Variants in ALDH18A1 observed in about 807,000 individuals in gnomAD.
ALDH18A1 encodes delta-1-pyrroline-5-carboxylate synthase.
A neutral mutation model predicts 88.8 loss-of-function variants in ALDH18A1; 44 were observed. The ratio of observed to expected loss-of-function variants is 0.50; its 90% CI spans 0.39 to 0.64. The LOEUF (loss-of-function observed/expected upper bound fraction) is 0.64. ALDH18A1 is among the 30% of genes least tolerant of loss of function. ALDH18A1 has a pLI of 0.00. For missense variants in ALDH18A1, 782 were observed against 1,009.5 expected (o/e 0.77, Z 3.05); for synonymous variants, 331 against 372.1 (o/e 0.89, Z 1.27).
chr10:95,606,394 T>A lies in ALDH18A1; in HGVS notation c.*368A>T. ...TGTGAAAAGATTTGTTAAGGATGAC[T>A]GGCTCTAGTACCAACTAAATGCCAA... On this transcript the variant is annotated 3_prime_UTR_variant, in exon 18 of 18. Transcript: ENST00000371224. 1 of 1,052,926 alleles carries A rather than the reference T, an allele frequency of 9.5e-7. No individual in the cohort carries two copies. The highest frequency in any genetic ancestry group is 1.1e-6 in the Non-Finnish European group (1 of 871,854). 65.2% of individuals were successfully genotyped at this position (1,052,926 alleles called of 1,614,324 possible).
At chr10:95,651,679 G>C (rs1234045582) in intron 2 of ALDH18A1, among the ~76,000 whole-genome samples, 2 of 152,076 alleles carry the variant, frequency 1.3e-5, no homozygotes, top group African/African-American at 4.8e-5. Context: ...ACCAGATCTT[G>C]TGAGAAGTCA....
At position 95,616,517 on chromosome 10, in the gene ALDH18A1, T is replaced by A. The variant is rs1180093705; in HGVS notation, c.1565A>T (p.Glu522Val). The A allele has an allele frequency of 6.3e-7, 1 of 1,577,570 alleles. No individual in the cohort carries two copies. Among genetic ancestry groups the A allele is most frequent in the African/African-American group, 1.3e-5 (1 of 74,592 alleles). Residue 522 changes from glutamate to valine, a missense_variant, in exon 13 of 18, where the codon GAG (glutamate) becomes GTG (valine). Transcript: ENST00000371224. ...CTTGACTCCATGGATTGAGAGAGCC[T>A]CCTGGGTCAGGAGGTGGAGAATCCG... ...SNRILHLLTQ[E>V]ALSIHGVKEA...
chr10:95,627,256 A>G (rs1675812169), intron 9 of ALDH18A1, among the ~76,000 whole-genome samples, 186 bp downstream of exon 9: 1 of 150,112 alleles, frequency 6.7e-6, no homozygotes, highest in African/African-American at 2.5e-5. Context: ...GATTTTGCAG[A>G]GAATAGGTCT....
At position 95,610,169 on chromosome 10, in the gene ALDH18A1, C is replaced by T. The variant is rs770851681; in HGVS notation, c.2206+28G>A. On this transcript the variant is annotated intron_variant, in intron 17 of 17. Coordinates refer to ENST00000371224, the MANE Select transcript of ALDH18A1 (RefSeq NM_002860.4). ...CCACACAGTGCTTCACAAGGAACTT[C>T]TTTCTTCCCAACCAGAGTCTTTCTT... 9 of 1,610,428 alleles carry T rather than the reference C, an allele frequency of 5.6e-6. No individual in the cohort carries two copies. The African/African-American group carries it at 1.1e-4, about 19-fold the overall frequency.
intron 2 of ALDH18A1, among the ~76,000 whole-genome samples, chr10:95,652,666 C>G (rs1293262259): frequency 6.6e-6 from 1 of 151,412 alleles, no homozygotes; most frequent in Admixed American, 6.6e-5. Flanking sequence ...ACCTGGGAAG[C>G]AGAGGTTGCA....
chr10:95,649,147 C>A lies in ALDH18A1; in HGVS notation c.88+4143G>T, dbSNP rs143677946. ...ACAAACAGCCTTTCAACAAATGATG[C>A]TGGAACAACTAGTATTAAAAGTTGA... On this transcript the variant is annotated intron_variant, in intron 2 of 17. Transcript: ENST00000371224. Among the ~76,000 whole-genome samples, 130 of 152,250 alleles carry A rather than the reference C, an allele frequency of 8.5e-4. No individual in the cohort carries two copies. In the East Asian group the frequency reaches 0.024, roughly 28 times the overall value.
At chr10:95,609,413 C>T (rs1024595780) in intron 17 of ALDH18A1, among the ~76,000 whole-genome samples, 1 of 152,200 alleles carries the variant, frequency 6.6e-6, no homozygotes, top group Non-Finnish European at 1.5e-5. Flanking sequence ...TTTCCTATCT[C>T]CGAGGCAACC....
rs35613419 is a variant in ALDH18A1, at chr10:95,629,934, AT to A, written c.809-1443del. 5.9e-4 allele frequency among the ~76,000 whole-genome samples: 88 copies of A among 148,526 alleles called. 2 individuals are homozygous for A. Among genetic ancestry groups the A allele is most frequent in the Admixed American group, 3.9e-3 (58 of 14,860 alleles). ...TTATAAATTAATCTCAAAACCTTAC[AT>A]TTTTTTTTTTACCTTGTCAAGCAGT... On this transcript the variant is annotated intron_variant, in intron 7 of 17. Transcript: ENST00000371224.
rs2097834101 is a variant in ALDH18A1, at chr10:95,611,376, G to A, written c.1990C>T (p.Leu664Phe). Residue 664 changes from leucine (L) to phenylalanine (F), a missense_variant, in exon 16 of 18, where the codon CTC (leucine) becomes TTC (phenylalanine). Physicochemically the swap from Leu to Phe is conservative, Grantham distance 22. Coordinates refer to ENST00000371224, the MANE Select transcript of ALDH18A1 (RefSeq NM_002860.4). ...LTFSPSEVKS[L>F]RTEYGDLELC... ...TCCAGGTCCCCATACTCAGTTCGGAGTGACTTCACTTCGGAGGGGCTGAAG... is the reference window on the plus strand; with the variant it reads ...TCCAGGTCCCCATACTCAGTTCGGAATGACTTCACTTCGGAGGGGCTGAAG... The A allele has an allele frequency of 6.2e-7, 1 of 1,614,228 alleles. No homozygotes were observed. Among genetic ancestry groups the A allele is most frequent in the Non-Finnish European group, 8.5e-7 (1 of 1,180,038 alleles).
At chr10:95,654,025 G>T (rs538731861) in intron 1 of ALDH18A1, among the ~76,000 whole-genome samples, 1 of 152,168 alleles carries the variant, frequency 6.6e-6, no homozygotes, top group African/African-American at 2.4e-5. Context: ...TACAAATCTC[G>T]GTTGAGAACA....
In ALDH18A1 at chr10:95,606,228, CA is replaced by C. The variant is rs1419552260; in HGVS notation, c.*533del. 2.0e-6 allele frequency: 2 copies of C among 992,022 alleles called. No individual in the cohort carries two copies. Among genetic ancestry groups the C allele is most frequent in the Non-Finnish European group, 2.4e-6 (2 of 832,950 alleles). 61.5% of individuals were successfully genotyped at this position (992,022 alleles called of 1,614,324 possible). On this transcript the variant is annotated 3_prime_UTR_variant, in exon 18 of 18. Transcript: ENST00000371224. ...TATTAATTTACCCCACAAATAAATA[CA>C]AAAGGTCAATCTTCCCAGTGGAAAT...
At chr10:95,629,879 G>A (rs185283120) in intron 7 of ALDH18A1, among the ~76,000 whole-genome samples, 49 of 152,162 alleles carry the variant, frequency 3.2e-4, no homozygotes, top group African/African-American at 1.1e-3. Context: ...GCATCAAAAC[G>A]ATTTGCTAGA....
At chr10:95,613,619 T>C in intron 15 of ALDH18A1, 123 bp downstream of exon 15, 1 of 1,325,168 alleles carries the variant, frequency 7.5e-7, no homozygotes, top group Middle Eastern at 2.4e-4. Flanking sequence ...CATGGAACTT[T>C]GTACACAGAA....
At chr10:95,635,139 G>A (rs890525175) in intron 5 of ALDH18A1, among the ~76,000 whole-genome samples, 4 of 152,272 alleles carry the variant, frequency 2.6e-5, no homozygotes, top group East Asian at 3.9e-4. Context: ...GAATGTTGAT[G>A]TCTTGGGGAA....
rs142746793 is a variant in ALDH18A1 at position 95,643,101 on chromosome 10, C to A, written c.194G>T (p.Ser65Ile). The change falls in exon 3 of 18, where the codon AGT (serine) becomes ATT (isoleucine). Residue 65 changes from serine to isoleucine, a missense_variant. Ser to Ile is a moderately radical substitution (Grantham distance 142). This residue lies in a region of ALDH18A1 where 94 missense variants were observed against 99.5 expected (regional missense o/e 0.94). Transcript: ENST00000371224. The part of the protein sequence containing the change: ...RTHGKSFAHR[S>I]ELKHAKRIVV... ...GATTCTCTTGGCATGCTTCAGCTCA[C>A]TGCGGTGGGCGAAGGACTTGCCATG... 1.7e-4 allele frequency: 272 copies of A among 1,614,110 alleles called. No homozygotes were observed. Among genetic ancestry groups the A allele is most frequent in the Middle Eastern group, 4.9e-4 (3 of 6,084 alleles).
intron 2 of ALDH18A1, among the ~76,000 whole-genome samples, chr10:95,644,869 T>G (rs1448304849): frequency 6.6e-6 from 1 of 152,186 alleles, no homozygotes; most frequent in Non-Finnish European, 1.5e-5. Context: ...GAAGGAACTG[T>G]GAAGCAACAA....
chr10:95,653,480 T>C, intron 1 of ALDH18A1, 75 bp from the exon 2 acceptor site: 2 of 1,260,084 alleles, frequency 1.6e-6, no homozygotes, highest in Admixed American at 1.9e-5. Context: ...CTACTTCCCC[T>C]TACCCTCGGA....
intron 7 of ALDH18A1, among the ~76,000 whole-genome samples, chr10:95,630,303 T>C (rs968288989): frequency 2.0e-5 from 3 of 152,204 alleles, no homozygotes; most frequent in South Asian, 4.1e-4. Flanking sequence ...TTTCTTCATC[T>C]GTAAAACTGG....
At position 95,606,399 on chromosome 10, in the gene ALDH18A1, C is replaced by G. The variant is rs375507186; in HGVS notation, c.*363G>C. On this transcript the variant is annotated 3_prime_UTR_variant, in exon 18 of 18. Transcript: ENST00000371224. Reference sequence around the variant, plus strand: ...AAAGATTTGTTAAGGATGACTGGCTCTAGTACCAACTAAATGCCAAGGGGG... The same window carrying G: ...AAAGATTTGTTAAGGATGACTGGCTGTAGTACCAACTAAATGCCAAGGGGG... 6 of 1,130,992 alleles carry G rather than the reference C, an allele frequency of 5.3e-6. No homozygotes were observed. In the East Asian group the frequency reaches 2.4e-4, roughly 46 times the overall value. The allele number at this position is 1,130,992 out of a possible 1,614,324, so 70.1% of individuals were successfully genotyped here. A position where few individuals can be genotyped will look rare whatever the true frequency, so the allele number is the denominator to read the frequency against.
Sources: gnomAD v4.1 joint callset for allele counts (sites outside exome capture counted in the v4.1 genomes callset) on GRCh38, gnomAD v4.1.1 for gene constraint, gnomAD v4.1.1 regional missense constraint, MANE v1.5 for transcripts, NCBI Gene and HGNC (gene_info 2026-07-23, HGNC 2026-07-21) for gene names.